The following STRN3 variants were observed in gnomAD, a reference collection of about 807,000 sequenced individuals.
The protein encoded by STRN3 is striatin 3, also known as striatin-3.
A neutral mutation model predicts 95.6 loss-of-function variants in STRN3; 29 were observed. The observed-to-expected ratio is 0.30, with a 90% CI of 0.23 to 0.41. The LOEUF (loss-of-function observed/expected upper bound fraction) is 0.41, where lower values mean the gene tolerates loss of function less well. Among genes scored for constraint, STRN3 ranks in the 10% least tolerant of loss-of-function variants. The probability of loss-of-function intolerance (pLI) is 1.00; values close to 1 mark genes in which losing one functional copy is unlikely to be tolerated. For missense variants in STRN3, 890 were observed against 972.1 expected (o/e 0.92, Z 1.12); for synonymous variants, 331 against 357.6 (o/e 0.93, Z 0.84).
At chr14:30,944,563 A>ATATATACATG (rs1566449751) in intron 5 of STRN3, among the ~76,000 whole-genome samples, 190 of 72,606 alleles carry the variant, frequency 2.6e-3, no homozygotes, top group African/African-American at 8.0e-3. Context: ...GTATATATAT[A>ATATATACATG]TATATATACA....
At chr14:30,967,589 G>A (rs1414706597) in intron 1 of STRN3, among the ~76,000 whole-genome samples, 3 of 152,258 alleles carry the variant, frequency 2.0e-5, no homozygotes, top group South Asian at 2.1e-4. Flanking sequence ...CCAGTAACCC[G>A]CGGATGGCCC....
intron 7 of STRN3, among the ~76,000 whole-genome samples, chr14:30,931,250 TTG>T (rs1878522135): frequency 6.6e-6 from 1 of 152,162 alleles, no homozygotes; most frequent in South Asian, 2.1e-4. Context: ...TAACAGCTGT[TTG>T]ATATTGCTTA....
chr14:30,906,680 G>T (rs1483349783), intron 14 of STRN3, among the ~76,000 whole-genome samples, 197 bp downstream of exon 14: 1 of 151,834 alleles, frequency 6.6e-6, no homozygotes, highest in Non-Finnish European at 1.5e-5. Context: ...ATACAAAAAA[G>T]GTAAAAAAGC....
chr14:30,936,583 T>G lies in STRN3; in HGVS notation c.758A>C (p.Asn253Thr), dbSNP rs750789149. Residue 253 changes from asparagine to threonine, a missense_variant, in exon 6 of 18, where the codon AAT becomes ACT. Coordinates refer to ENST00000357479, the MANE Select transcript of STRN3 (RefSeq NM_001083893.2). The part of the protein sequence containing the change: ...DVLETFNFLE[N>T]ADDSDEDEEN... ...CTCATCTTCATCACTGTCATCGGCA[T>G]TTTCTAAGAAATTGAACGTCTCAAG... The G allele has an allele frequency of 1.5e-4, 240 of 1,613,708 alleles. No individual in the cohort carries two copies. The highest frequency in any genetic ancestry group is 1.9e-4 in the Non-Finnish European group (223 of 1,179,854).
chr14:30,982,849 ACTGTG>A (rs1167404721), intron 1 of STRN3, among the ~76,000 whole-genome samples: 2 of 152,124 alleles, frequency 1.3e-5, no homozygotes, highest in African/African-American at 4.8e-5. Flanking sequence ...CCTGTTGGGT[ACTGTG>A]CTTATTGCCT....
At chr14:30,957,043 A>G (rs1879944003) in intron 1 of STRN3, among the ~76,000 whole-genome samples, 1 of 152,158 alleles carries the variant, frequency 6.6e-6, no homozygotes, top group African/African-American at 2.4e-5. Flanking sequence ...CTGTAATCCC[A>G]GCTACCCGAA....
At chr14:30,929,975 A>AAAAACAAAAAAAC (rs1878444968) in intron 7 of STRN3, among the ~76,000 whole-genome samples, 1 of 149,686 alleles carries the variant, frequency 6.7e-6, no homozygotes, top group Non-Finnish European at 1.5e-5. Context: ...AAAAAAAAAA[A>AAAAACAAAAAAAC]AAAACTCAAA....
At chr14:30,977,723 G>A (rs1438501024) in intron 1 of STRN3, among the ~76,000 whole-genome samples, 5 of 147,124 alleles carry the variant, frequency 3.4e-5, no homozygotes, top group African/African-American at 1.3e-4. Flanking sequence ...AACCCAGAAG[G>A]CAGAGGTTGC....
chr14:30,900,443 C>CAG lies in STRN3; in HGVS notation c.2137+2092_2137+2093insCT, dbSNP rs561080797. On this transcript the variant is annotated intron_variant, in intron 16 of 17. Transcript: ENST00000357479. ...ATGTAACTCAACGGGGGGTGTGGGG[C>CAG]GGGGGGGGGCGGTGTGTGTGTGTGT... 7.3e-4 allele frequency among the ~76,000 whole-genome samples: 38 copies of CAG among 52,394 alleles called. 2 individuals carry two copies. Among genetic ancestry groups the CAG allele is most frequent in the Middle Eastern group, 9.3e-3 (1 of 108 alleles). The allele number at this position is 52,394 out of a possible 152,430, so 34.4% of individuals were successfully genotyped here. A position where few individuals can be genotyped will look rare whatever the true frequency, so the allele number is the denominator to read the frequency against.
At position 30,921,105 on chromosome 14, in the gene STRN3, C is replaced by CACACACACACA. The variant is rs1410378146; in HGVS notation, c.1100-2000_1100-1999insTGTGTGTGTGT. 7.9e-5 allele frequency among the ~76,000 whole-genome samples: 12 copies of CACACACACACA among 151,434 alleles called. No homozygotes were observed. The East Asian group carries it at 1.7e-3, about 22-fold the overall frequency. On this transcript the variant is annotated intron_variant, in intron 8 of 17. Coordinates refer to ENST00000357479, the MANE Select transcript of STRN3 (RefSeq NM_001083893.2). ...ACACACACACACACACACACACACA[C>CACACACACACA]ACTTCCTTATCTTCTAACATGCACC...
chr14:30,994,864 C>T (rs1237866262), intron 1 of STRN3, among the ~76,000 whole-genome samples: 7 of 152,194 alleles, frequency 4.6e-5, no homozygotes, highest in Non-Finnish European at 7.3e-5. Context: ...TAACTCAAAA[C>T]CATCTTATTA....
chr14:30,937,644 C>T (rs984608423), intron 5 of STRN3, among the ~76,000 whole-genome samples: 1 of 152,112 alleles, frequency 6.6e-6, no homozygotes, highest in Non-Finnish European at 1.5e-5. Flanking sequence ...AAGACTTTCA[C>T]CATGAAAATT....
chr14:31,022,207 A>G (rs1379877558), intron 1 of STRN3, among the ~76,000 whole-genome samples: 1 of 151,992 alleles, frequency 6.6e-6, no homozygotes, highest in Non-Finnish European at 1.5e-5. Context: ...GTGAAACCCC[A>G]TTTCTACTAA....
intron 1 of STRN3, among the ~76,000 whole-genome samples, chr14:30,978,335 G>A: frequency 6.6e-6 from 1 of 152,052 alleles, no homozygotes; most frequent in Non-Finnish European, 1.5e-5. Context: ...TCAAAACTGT[G>A]TTAATATAAC....
chr14:31,018,436 C>T (rs1487282623), intron 1 of STRN3: 3 of 398,696 alleles, frequency 7.5e-6, no homozygotes, highest in Non-Finnish European at 1.5e-5. Context: ...CTTTCTCGAC[C>T]CTTGTTCCTA....
intron 1 of STRN3, among the ~76,000 whole-genome samples, chr14:30,979,428 A>G (rs1594531352): frequency 6.6e-6 from 1 of 152,232 alleles, no homozygotes; most frequent in Non-Finnish European, 1.5e-5. Context: ...TTTGTTTTTA[A>G]TTACTTGATC....
At chr14:30,905,639 T>TA (rs1896442826) in intron 14 of STRN3, 81 bp from the exon 15 acceptor site, 8 of 1,467,720 alleles carry the variant, frequency 5.5e-6, no homozygotes, top group Non-Finnish European at 6.4e-6. Context: ...TCTGTTTTTC[T>TA]AATCAGAAAA....
intron 16 of STRN3, among the ~76,000 whole-genome samples, chr14:30,899,300 T>C (rs1896241376): frequency 6.6e-6 from 1 of 152,240 alleles, no homozygotes; most frequent in Non-Finnish European, 1.5e-5. Context: ...AACTCAAATT[T>C]GTAACTCTAC....
In STRN3 at chr14:30,921,213, T is replaced by C. The variant is rs139691850; in HGVS notation, c.1100-2107A>G. Among the ~76,000 whole-genome samples, 79 of 152,322 alleles carry C rather than the reference T, an allele frequency of 5.2e-4. 2 individuals carry two copies. In the East Asian group the frequency reaches 0.013, roughly 25 times the overall value. The stretch of plus-strand genomic sequence containing the variant: ...TTTTGTTGATCTTTCAATGTTCTCT[T>C]ATTTGTGTGTAACATAAAATGACTT... On this transcript the variant is annotated intron_variant, in intron 8 of 17. Transcript: ENST00000357479.
Sources: gnomAD v4.1 joint callset for allele counts (sites outside exome capture counted in the v4.1 genomes callset) on GRCh38, gnomAD v4.1.1 for gene constraint, MANE v1.5 for transcripts, NCBI Gene and HGNC (gene_info 2026-07-23, HGNC 2026-07-21) for gene names.